FSTL5: variants seen among roughly 807,000 people sequenced by gnomAD.
FSTL5 encodes follistatin like 5, also known as follistatin-related protein 5.
FSTL5 carries 62 observed loss-of-function variants against 89.1 expected under a neutral mutation model. That is an observed-to-expected ratio of 0.70 (90% CI 0.57 to 0.86). The LOEUF is 0.86. Ranked by LOEUF, FSTL5 falls within the 40% of genes least tolerant of loss-of-function variation. FSTL5 has a pLI of 0.00. For synonymous variants in FSTL5, 383 were observed against 346.2 expected (o/e 1.11, Z -1.18); for missense variants, 1,057 against 1,001.6 (o/e 1.06, Z -0.75).
intron 4 of FSTL5, among the ~76,000 whole-genome samples, chr4:161,842,195 T>C (rs1449186908): frequency 6.6e-6 from 1 of 152,196 alleles, no homozygotes. Context: ...ATATAAATGC[T>C]ATAGGCTCAT....
intron 4 of FSTL5, among the ~76,000 whole-genome samples, chr4:161,873,249 G>GCC: frequency 6.6e-6 from 1 of 152,196 alleles, no homozygotes; most frequent in East Asian, 1.9e-4. Flanking sequence ...TTGGGAAAAG[G>GCC]ATAGAATAGT....
chr4:161,769,530 AC>A (rs1741135169), intron 5 of FSTL5, among the ~76,000 whole-genome samples: 1 of 152,054 alleles, frequency 6.6e-6, no homozygotes, highest in South Asian at 2.1e-4. Flanking sequence ...AAATGGTTCA[AC>A]TTACTCAAAT....
intron 4 of FSTL5, among the ~76,000 whole-genome samples, chr4:161,880,763 C>T (rs1178414139): frequency 6.6e-6 from 1 of 152,140 alleles, no homozygotes; most frequent in Non-Finnish European, 1.5e-5. Flanking sequence ...ATTTCAAATA[C>T]TTTATGCTTA....
intron 6 of FSTL5, among the ~76,000 whole-genome samples, chr4:161,692,818 A>C (rs35049361): frequency 0.29 from 44,588 of 151,866 alleles, 7,079 homozygotes; most frequent in Middle Eastern, 0.43. Flanking sequence ...CCAACTCCCT[A>C]GTTCAAGTGA....
chr4:161,782,253 AC>A (rs1249298861), intron 4 of FSTL5, among the ~76,000 whole-genome samples: 1 of 152,196 alleles, frequency 6.6e-6, no homozygotes, highest in Non-Finnish European at 1.5e-5. Flanking sequence ...ATTTGAATAA[AC>A]ATCAAAAAGC....
intron 2 of FSTL5, among the ~76,000 whole-genome samples, chr4:162,084,780 T>G (rs977144649): frequency 1.3e-5 from 2 of 151,874 alleles, no homozygotes; most frequent in East Asian, 3.9e-4. Flanking sequence ...CCAGGGGGCA[T>G]GTGGCTAGGG....
At chr4:161,693,753 C>T (rs886147730) in intron 6 of FSTL5, among the ~76,000 whole-genome samples, 1 of 150,084 alleles carries the variant, frequency 6.7e-6, no homozygotes, top group Non-Finnish European at 1.5e-5. Context: ...ATTCTCCTGC[C>T]TCAGCCTCCC....
At chr4:161,627,874 T>C (rs1263221367) in intron 7 of FSTL5, among the ~76,000 whole-genome samples, 1 of 152,192 alleles carries the variant, frequency 6.6e-6, no homozygotes, top group East Asian at 1.9e-4. Context: ...ATATATACTG[T>C]CACGGTCATA....
At chr4:161,936,459 CA>C (rs1328224551) in intron 3 of FSTL5, among the ~76,000 whole-genome samples, 1 of 152,030 alleles carries the variant, frequency 6.6e-6, no homozygotes, top group African/African-American at 2.4e-5. Flanking sequence ...AGGAAACAAA[CA>C]AAATATTGGA....
At chr4:161,876,484 T>C (rs1732446570) in intron 4 of FSTL5, among the ~76,000 whole-genome samples, 1 of 152,228 alleles carries the variant, frequency 6.6e-6, no homozygotes, top group South Asian at 2.1e-4. Context: ...AAATAACGCC[T>C]CACAAAAAGT....
rs571998310 is a variant in FSTL5 at position 161,786,256 on chromosome 4, G to A, written c.410-10182C>T. ...TAGATGCTTTTATGTAGGCTCAATC[G>A]TTGTAGTGGGTTAATATATAAAACA... On this transcript the variant is annotated intron_variant, in intron 4 of 15. Coordinates refer to ENST00000306100, the MANE Select transcript of FSTL5 (RefSeq NM_020116.5). 5.3e-5 allele frequency among the ~76,000 whole-genome samples: 8 copies of A among 152,012 alleles called. No homozygotes were observed. The South Asian group carries it at 1.2e-3, about 24-fold the overall frequency.
chr4:162,020,048 T>C (rs1737027688), intron 3 of FSTL5, among the ~76,000 whole-genome samples: 1 of 151,604 alleles, frequency 6.6e-6, no homozygotes, highest in Non-Finnish European at 1.5e-5. Flanking sequence ...ATATGCTAAA[T>C]AATGTCTCAT....
At chr4:161,735,210 T>C (rs1356977810) in intron 6 of FSTL5, among the ~76,000 whole-genome samples, 2 of 152,148 alleles carry the variant, frequency 1.3e-5, no homozygotes, top group African/African-American at 2.4e-5. Context: ...TAGAGGATAT[T>C]ACAAAGTATG....
intron 3 of FSTL5, among the ~76,000 whole-genome samples, chr4:161,953,524 T>A (rs866393180): frequency 9.9e-5 from 15 of 151,702 alleles, no homozygotes; most frequent in Non-Finnish European, 2.1e-4. Flanking sequence ...ATAGGTTGTA[T>A]GCAACCAAAT....
In FSTL5 at chr4:161,480,860, A is replaced by G. The variant is rs536065294; in HGVS notation, c.1608+160T>C. ...CTCCTGAATTCATTAGGCTTAAGGA[A>G]CAGAATGAGAGAAGAGTTTGCAGAA... On this transcript the variant is annotated intron_variant, in intron 13 of 15. Transcript: ENST00000306100. Among the ~76,000 whole-genome samples the G allele has an allele frequency of 9.8e-5, 15 of 152,336 alleles. No homozygotes were observed. The South Asian group carries it at 2.5e-3, about 25-fold the overall frequency.
intron 6 of FSTL5, among the ~76,000 whole-genome samples, chr4:161,733,196 C>A (rs1391629460): frequency 6.6e-6 from 1 of 151,862 alleles, no homozygotes; most frequent in African/African-American, 2.4e-5. Context: ...TTTTACCCAT[C>A]ATTGGTCAGA....
chr4:161,750,131 T>C (rs1740347688), intron 6 of FSTL5, among the ~76,000 whole-genome samples: 1 of 152,204 alleles, frequency 6.6e-6, no homozygotes, highest in African/African-American at 2.4e-5. Context: ...TTTTTGAATT[T>C]CTGAAAAGTA....
intron 4 of FSTL5, among the ~76,000 whole-genome samples, chr4:161,904,269 G>A (rs1489834955): frequency 1.3e-5 from 2 of 151,934 alleles, no homozygotes; most frequent in Non-Finnish European, 1.5e-5. Flanking sequence ...TGAAATTGCA[G>A]GTGCAAAACA....
chr4:161,538,389 G>T, intron 9 of FSTL5, 89 bp from the exon 10 acceptor site: 1 of 1,416,746 alleles, frequency 7.1e-7, no homozygotes, highest in Non-Finnish European at 9.9e-7. Context: ...AGTTCTCTTG[G>T]CTTGTCCTAA....
Sources: allele counts gnomAD v4.1 joint callset (sites outside exome capture counted in the v4.1 genomes callset), GRCh38; gene constraint gnomAD v4.1.1; transcripts MANE v1.5; gene names NCBI Gene and HGNC (gene_info 2026-07-23, HGNC 2026-07-21).